The following CLCN1 variants were observed in gnomAD, a reference collection of about 807,000 sequenced individuals.
CLCN1 encodes the protein chloride channel protein 1.
CLCN1 carries 100 observed loss-of-function variants against 114.5 expected under a neutral mutation model. The ratio of observed to expected loss-of-function variants is 0.87; its 90% CI spans 0.74 to 1.03. The LOEUF is 1.03. Ranked by LOEUF, CLCN1 falls within the 50% of genes least tolerant of loss-of-function variation. The probability of loss-of-function intolerance (pLI) is 0.00; values close to 1 mark genes in which losing one functional copy is unlikely to be tolerated. For synonymous variants in CLCN1, 485 were observed against 487.1 expected (o/e 1.00, Z 0.06); for missense variants, 1,188 against 1,250.0 (o/e 0.95, Z 0.75).
Position 143,321,644 on chromosome 7 carries a change from C to T in CLCN1, c.563-71C>T. 3 of 1,610,162 alleles carry T rather than the reference C, an allele frequency of 1.9e-6. No homozygotes were observed. The highest frequency in any genetic ancestry group is 2.5e-6 in the Non-Finnish European group (3 of 1,176,514). ...CTTCAGCCCTCTCCAATTCCCATTC[C>T]CATATTCTGGACATTCATCTCCCTT... On this transcript the variant is annotated intron_variant, in intron 4 of 22. Transcript: ENST00000343257. This position sits in a 1 kb window ranked among gnomAD's most constrained non-coding sequence, Gnocchi z 4.2.
intron 12 of CLCN1, among the ~76,000 whole-genome samples, chr7:143,334,229 A>G (rs1263103743): frequency 1.3e-5 from 2 of 150,484 alleles, no homozygotes; most frequent in African/African-American, 4.9e-5. Context: ...AAAAAAAATT[A>G]TTGATTGCCC....
intron 12 of CLCN1, among the ~76,000 whole-genome samples, chr7:143,334,975 G>A (rs898431639): frequency 1.4e-4 from 21 of 152,160 alleles, no homozygotes; most frequent in African/African-American, 5.1e-4. Context: ...CCCATCTACA[G>A]TAACCAAGTA....
chr7:143,342,257 T>G, intron 15 of CLCN1, 115 bp downstream of exon 15: 1 of 1,478,340 alleles, frequency 6.8e-7, no homozygotes, highest in South Asian at 1.2e-5. Flanking sequence ...TATTATTATA[T>G]TCTCATGCAC....
chr7:143,318,206 T>TTTTTTTG (rs199876699), intron 1 of CLCN1, among the ~76,000 whole-genome samples: 480 of 152,152 alleles, frequency 3.2e-3, no homozygotes, highest in Non-Finnish European at 5.5e-3. Context: ...TGGAATACTT[T>TTTTTTTG]TTTTTTGTTT....
chr7:143,329,526 T>G (rs1394457770), intron 7 of CLCN1, among the ~76,000 whole-genome samples: 1 of 152,152 alleles, frequency 6.6e-6, no homozygotes, highest in Non-Finnish European at 1.5e-5. Context: ...AATGACCTGA[T>G]GTAACTAGTC....
In CLCN1 at chr7:143,351,586, C is replaced by T. The variant is rs1444676715; in HGVS notation, c.2596-8C>T. ...TTTACCCTCTTTTCCTTTCCCACTG[C>T]TCTTCAGCTACAGAAGGCCATTGAG... On this transcript the variant is annotated splice_region_variant and splice_polypyrimidine_tract_variant and intron_variant, in intron 22 of 22. Transcript: ENST00000343257. 6.2e-7 allele frequency: 1 copy of T among 1,614,018 alleles called. No individual in the cohort carries two copies.
At chr7:143,335,808 C>T (rs973905400) in intron 12 of CLCN1, among the ~76,000 whole-genome samples, 9 of 151,862 alleles carry the variant, frequency 5.9e-5, no homozygotes, top group African/African-American at 9.7e-5. Flanking sequence ...TACAGGTGCC[C>T]GCCACCACGC....
intron 7 of CLCN1, among the ~76,000 whole-genome samples, chr7:143,326,545 T>C (rs1802581612): frequency 1.3e-5 from 2 of 152,098 alleles, no homozygotes; most frequent in East Asian, 3.9e-4. Flanking sequence ...CAATGGCAGC[T>C]GGGGTAAAGT....
rs748368745 is a variant in CLCN1 at position 143,339,493 on chromosome 7, C to T, written c.1472-18C>T. 5.7e-6 allele frequency: 9 copies of T among 1,589,554 alleles called. No individual in the cohort carries two copies. Among genetic ancestry groups the T allele is most frequent in the Admixed American group, 1.7e-5 (1 of 59,980 alleles). The stretch of plus-strand genomic sequence containing the variant: ...CTTGGATCTCGTAACACCTTCCTTC[C>T]TTTTATCTTCCCTCTAGGAGCTGCA... On this transcript the variant is annotated intron_variant, in intron 13 of 22. Coordinates refer to ENST00000343257, the MANE Select transcript of CLCN1 (RefSeq NM_000083.3). The surrounding 1 kb of genome is among the most constrained non-coding windows in gnomAD (Gnocchi z 4.1).
At chr7:143,326,909 C>T (rs1398696783) in intron 7 of CLCN1, among the ~76,000 whole-genome samples, 2 of 152,060 alleles carry the variant, frequency 1.3e-5, no homozygotes, top group Non-Finnish European at 2.9e-5. Context: ...GTTCTATAAA[C>T]CAGTTGGAAA....
At position 143,339,542 on chromosome 7, in the gene CLCN1, C is replaced by G; in HGVS notation, c.1503C>G (p.Ile501Met). 1 of 1,613,950 alleles carries G rather than the reference C, an allele frequency of 6.2e-7. No individual in the cohort carries two copies. The highest frequency in any genetic ancestry group is 1.1e-5 in the South Asian group (1 of 91,066). Residue 501 changes from isoleucine (I) to methionine (M), a missense_variant, in exon 14 of 23, where the codon ATC (isoleucine) becomes ATG (methionine). Ile to Met is a conservative substitution (Grantham distance 10, BLOSUM62 1). Transcript: ENST00000343257. The surrounding 1 kb of genome is among the most constrained non-coding windows in gnomAD (Gnocchi z 4.1). ...GAAFGRLVGE[I>M]MAMLFPDGIL... The stretch of plus-strand genomic sequence containing the variant: ...CATTTGGAAGGCTGGTAGGAGAAAT[C>G]ATGGCCATGCTCTTTCCTGATGGTA...
chr7:143,335,919 C>T (rs1484444931), intron 12 of CLCN1, among the ~76,000 whole-genome samples: 5 of 152,112 alleles, frequency 3.3e-5, no homozygotes, highest in African/African-American at 9.7e-5. Flanking sequence ...CTCAGCCTCC[C>T]AAAGTGCTGG....
chr7:143,317,244 CTT>C (rs1207676166), intron 1 of CLCN1, among the ~76,000 whole-genome samples: 7 of 113,740 alleles, frequency 6.2e-5, no homozygotes, highest in African/African-American at 3.6e-5. Flanking sequence ...TTGGCCAGAA[CTT>C]TTTTTTTTTT....
In CLCN1 at chr7:143,346,667, A is replaced by G; in HGVS notation, c.2364+9A>G. 6.2e-7 allele frequency: 1 copy of G among 1,609,192 alleles called. No homozygotes were observed. Among genetic ancestry groups the G allele is most frequent in the African/African-American group, 1.3e-5 (1 of 74,958 alleles). ...AGAAGAAAACAACCCAGGTGAGAGG[A>G]GATGTGTTTGGGGATACAGGGGAAA... On this transcript the variant is annotated intron_variant, in intron 19 of 22. Coordinates refer to ENST00000343257, the MANE Select transcript of CLCN1 (RefSeq NM_000083.3).
At chr7:143,340,075 C>T (rs111706302) in intron 14 of CLCN1, among the ~76,000 whole-genome samples, 19 of 152,316 alleles carry the variant, frequency 1.2e-4, no homozygotes, top group African/African-American at 4.3e-4. Context: ...CACCATGAAG[C>T]AAGATAGCTG....
chr7:143,318,823 C>G (rs1340093393), intron 1 of CLCN1, among the ~76,000 whole-genome samples: 1 of 152,208 alleles, frequency 6.6e-6, no homozygotes, highest in Non-Finnish European at 1.5e-5. Context: ...CCCTCGGTCA[C>G]TGACCCAGAA....
intron 22 of CLCN1, 123 bp from the exon 23 acceptor site, chr7:143,351,471 C>A: frequency 9.2e-7 from 1 of 1,084,200 alleles, no homozygotes; most frequent in Non-Finnish European, 1.3e-6. Context: ...CGTTTTGCCA[C>A]TCTATATCTT....
At chr7:143,343,307 T>G (rs1803138663) in intron 16 of CLCN1, among the ~76,000 whole-genome samples, 1 of 152,242 alleles carries the variant, frequency 6.6e-6, no homozygotes, top group African/African-American at 2.4e-5. Context: ...GTGGTCATTT[T>G]TAGCAGCAAA....
chr7:143,331,851 C>T (rs901206582), intron 10 of CLCN1, among the ~76,000 whole-genome samples, 199 bp downstream of exon 10: 36 of 152,310 alleles, frequency 2.4e-4, no homozygotes, highest in Admixed American at 2.2e-3. Context: ...TTTTTTGAGA[C>T]AGAGTCTCAC....
Sources: gnomAD v4.1 joint callset for allele counts (sites outside exome capture counted in the v4.1 genomes callset) on GRCh38, gnomAD v4.1.1 for gene constraint, Gnocchi (gnomAD v3.1) non-coding constraint, MANE v1.5 for transcripts, NCBI Gene and HGNC (gene_info 2026-07-23, HGNC 2026-07-21) for gene names.